The following OR5AS1 variants were observed in gnomAD, a reference collection of about 807,000 sequenced individuals.
The protein encoded by OR5AS1 is olfactory receptor family 5 subfamily AS member 1, also known as olfactory receptor 5AS1.
For missense variants in OR5AS1, 492 were observed against 378.2 expected (o/e 1.30, Z -2.50); for synonymous variants, 196 against 141.7 (o/e 1.38, Z -2.72).
rs754044107 is a variant in OR5AS1, at chr11:56,031,136, A to G, written c.718A>G (p.Thr240Ala). ...SSGGRSKTFS[T>A]CASHLIAVTL... ...AGGTGGCAGAAGCAAAACATTCTCC[A>G]CTTGTGCTTCCCACCTCATAGCAGT... Residue 240 changes from threonine to alanine, a missense_variant, in exon 2 of 2, where the codon ACT (threonine) becomes GCT (alanine). Transcript: ENST00000641320. 1.9e-6 allele frequency: 3 copies of G among 1,613,806 alleles called. No homozygotes were observed. Among genetic ancestry groups the G allele is most frequent in the Admixed American group, 3.3e-5 (2 of 59,984 alleles).
In OR5AS1 at chr11:56,036,894, G is replaced by A. The variant is rs941729550; in HGVS notation, c.*5501G>A. ...AAAAAATACTGGCAAACTGAATTCA[G>A]CGGCACATCAAAAAGCTTATCCACC... On this transcript the variant is annotated 3_prime_UTR_variant, in exon 2 of 2. Transcript: ENST00000641320. The A allele has an allele frequency of 6.6e-6, 1 of 152,070 alleles. No individual in the cohort carries two copies. The highest frequency in any genetic ancestry group is 1.5e-5 in the Non-Finnish European group (1 of 68,034). 9.4% of individuals were successfully genotyped at this position (152,070 alleles called of 1,614,324 possible). A position where few individuals can be genotyped will look rare whatever the true frequency, so the allele number is the denominator to read the frequency against.
intron 1 of OR5AS1, among the ~76,000 whole-genome samples, chr11:56,029,707 T>C (rs894342397): frequency 3.9e-5 from 6 of 152,098 alleles, no homozygotes; most frequent in Non-Finnish European, 8.8e-5. Flanking sequence ...AAATTTTATT[T>C]AATCAGCGCT....
In OR5AS1 at chr11:56,030,778, T is replaced by A. The variant is rs371595512; in HGVS notation, c.360T>A (p.Tyr120Ter). ...GCCTTATCCTGGCAGCAATGGCTTA[T>A]GACCGCTATGCAGCCATCTGCAACC... Reference protein sequence around the residue: ...AECLILAAMAYDRYAAICNPL... With the variant: ...AECLILAAMA The change falls in exon 2 of 2, where the codon TAT (tyrosine) becomes TAA (stop). Residue 120 changes from tyrosine (Y) to a stop codon, truncating the protein, a stop_gained. Transcript: ENST00000641320. LOFTEE classifies it low-confidence loss of function (END_TRUNC). 126 of 1,613,916 alleles carry A rather than the reference T, an allele frequency of 7.8e-5. No homozygotes were observed. The highest frequency in any genetic ancestry group is 1.1e-4 in the Non-Finnish European group (125 of 1,179,958).
Position 56,030,551 on chromosome 11 carries a change from T to C in OR5AS1, c.133T>C (p.Leu45=). ...ATTAACTATGGTCGGAAATATACTCTTAATAATTCTAGTTAATATTAATTC... is the reference window on the plus strand; with the variant it reads ...ATTAACTATGGTCGGAAATATACTCCTAATAATTCTAGTTAATATTAATTC... The part of the protein sequence containing the change: ...YTLTMVGNIL[L]IILVNINSSL... Residue 45 remains leucine (L), a synonymous_variant, in exon 2 of 2, where the codon TTA becomes CTA. Coordinates refer to ENST00000641320, the MANE Select transcript of OR5AS1 (RefSeq NM_001001921.2). The C allele has an allele frequency of 6.4e-7, 1 of 1,556,578 alleles. No individual in the cohort carries two copies. Among genetic ancestry groups the C allele is most frequent in the Non-Finnish European group, 8.7e-7 (1 of 1,148,908 alleles).
In OR5AS1 at chr11:56,034,506, A is replaced by G. The variant is rs1853384323; in HGVS notation, c.*3113A>G. 6.6e-6 allele frequency: 1 copy of G among 152,116 alleles called. No homozygotes were observed. The highest frequency in any genetic ancestry group is 2.4e-5 in the African/African-American group (1 of 41,378). The allele number at this position is 152,116 out of a possible 1,614,324, so 9.4% of individuals were successfully genotyped here. A position where few individuals can be genotyped will look rare whatever the true frequency, so the allele number is the denominator to read the frequency against. ...CCAAATCGATCAAACAGAAGGAAGGATATCAGAGATTGAAGATCAACTTAA... is the reference window on the plus strand; with the variant it reads ...CCAAATCGATCAAACAGAAGGAAGGGTATCAGAGATTGAAGATCAACTTAA... On this transcript the variant is annotated 3_prime_UTR_variant, in exon 2 of 2. Coordinates refer to ENST00000641320, the MANE Select transcript of OR5AS1 (RefSeq NM_001001921.2).
chr11:56,028,514 T>TA (rs1279969750), intron 1 of OR5AS1, among the ~76,000 whole-genome samples: 1 of 152,118 alleles, frequency 6.6e-6, no homozygotes, highest in East Asian at 1.9e-4. Context: ...AAATAAAGTT[T>TA]ATTAATAGAC....
chr11:56,028,657 C>G (rs1435090127), intron 1 of OR5AS1, among the ~76,000 whole-genome samples: 1 of 152,040 alleles, frequency 6.6e-6, no homozygotes, highest in East Asian at 1.9e-4. Context: ...GGAAAGTTGT[C>G]TTGAGATGCT....
rs185686332 is a variant in OR5AS1, at chr11:56,037,854, A to T, written c.*6461A>T. 1.5e-3 allele frequency: 233 copies of T among 152,244 alleles called. 1 individual carries two copies. The highest frequency in any genetic ancestry group is 5.2e-3 in the African/African-American group (214 of 41,492). The allele number at this position is 152,244 out of a possible 1,614,324, so 9.4% of individuals were successfully genotyped here. A position where few individuals can be genotyped will look rare whatever the true frequency, so the allele number is the denominator to read the frequency against. On this transcript the variant is annotated 3_prime_UTR_variant, in exon 2 of 2. Transcript: ENST00000641320. Reference sequence around the variant, plus strand: ...AGAACAAAGCTGGAGGCATCATGCTACCTGGCTTCAAACTATACTACAAGG... The same window carrying T: ...AGAACAAAGCTGGAGGCATCATGCTTCCTGGCTTCAAACTATACTACAAGG...
intron 1 of OR5AS1, among the ~76,000 whole-genome samples, chr11:56,030,080 A>G (rs1853331542): frequency 6.6e-6 from 1 of 152,128 alleles, no homozygotes; most frequent in Non-Finnish European, 1.5e-5. Context: ...TTATTCTACT[A>G]GGTCTCATTA....
rs1853399900 is a variant in OR5AS1, at chr11:56,035,926, A to G, written c.*4533A>G. 1 of 152,166 alleles carries G rather than the reference A, an allele frequency of 6.6e-6. No homozygotes were observed. Among genetic ancestry groups the G allele is most frequent in the South Asian group, 2.1e-4 (1 of 4,830 alleles). The allele number at this position is 152,166 out of a possible 1,614,324, so 9.4% of individuals were successfully genotyped here. ...GCAAATGCAAAACAATGGAAATCAT[A>G]ACAGTCTCTCAGACCACAGTGCAAT... On this transcript the variant is annotated 3_prime_UTR_variant, in exon 2 of 2. Transcript: ENST00000641320.
chr11:56,030,100 C>T (rs1484693741), intron 1 of OR5AS1, among the ~76,000 whole-genome samples: 1 of 152,082 alleles, frequency 6.6e-6, no homozygotes, highest in East Asian at 1.9e-4. Flanking sequence ...ACATGAGCTA[C>T]ATTTATCCCT....
chr11:56,034,272 G>A lies in OR5AS1; in HGVS notation c.*2879G>A, dbSNP rs1853381820. ...GTTTGATGAATTGATGGAAGTAATT[G>A]GGTAATAACAAATAGAAGAATTGGG... is the stretch of plus-strand genomic sequence containing the variant. On this transcript the variant is annotated 3_prime_UTR_variant, in exon 2 of 2. Coordinates refer to ENST00000641320, the MANE Select transcript of OR5AS1 (RefSeq NM_001001921.2). 1.3e-5 allele frequency: 2 copies of A among 151,824 alleles called. No homozygotes were observed. The highest frequency in any genetic ancestry group is 4.8e-5 in the African/African-American group (2 of 41,322). The allele number at this position is 151,824 out of a possible 1,614,324, so 9.4% of individuals were successfully genotyped here.
chr11:56,031,009 T>C lies in OR5AS1; in HGVS notation c.591T>C (p.Leu197=). 6.2e-7 allele frequency: 1 copy of C among 1,614,176 alleles called. No homozygotes were observed. Among genetic ancestry groups the C allele is most frequent in the Non-Finnish European group, 8.5e-7 (1 of 1,180,024 alleles). Residue 197 remains leucine, a synonymous_variant, in exon 2 of 2, where the codon CTT becomes CTC. Coordinates refer to ENST00000641320, the MANE Select transcript of OR5AS1 (RefSeq NM_001001921.2). ...LSCTDTQINQ[L]LLFALCSFIQ... is the part of the protein sequence containing the mutation. ...GTACAGACACTCAGATCAACCAGCT[T>C]CTGCTCTTTGCTTTGTGCAGCTTCA... is the stretch of plus-strand genomic sequence containing the variant.
Position 56,030,633 on chromosome 11 carries a change from G to A in OR5AS1, c.215G>A (p.Ser72Asn). ...AGCAACTTATCTTTCTTAGACATCA[G>A]CTGTTCTACAGCAATCACTCCTAAA... ...FLSNLSFLDI[S>N]CSTAITPKML... Residue 72 changes from serine (S) to asparagine (N), a missense_variant, in exon 2 of 2, where the codon AGC (serine) becomes AAC (asparagine). Ser to Asn is a conservative substitution (Grantham distance 46, BLOSUM62 1). Transcript: ENST00000641320. The A allele has an allele frequency of 6.4e-7, 1 of 1,559,904 alleles. No homozygotes were observed. The highest frequency in any genetic ancestry group is 8.7e-7 in the Non-Finnish European group (1 of 1,154,528).
rs1392229249 is a variant in OR5AS1 at position 56,037,158 on chromosome 11, A to C, written c.*5765A>C. The C allele has an allele frequency of 1.3e-5, 2 of 152,178 alleles. No homozygotes were observed. The highest frequency in any genetic ancestry group is 2.4e-5 in the African/African-American group (1 of 41,402). 9.4% of individuals were successfully genotyped at this position (152,178 alleles called of 1,614,324 possible). On this transcript the variant is annotated 3_prime_UTR_variant, in exon 2 of 2. Coordinates refer to ENST00000641320, the MANE Select transcript of OR5AS1 (RefSeq NM_001001921.2). ...ATGACAAACCCACAGCCAATATCAT[A>C]CTGAATGGGCAAAAACTGGACGCAT...
rs1853340692 is a variant in OR5AS1, at chr11:56,030,816, C to T, written c.398C>T (p.Thr133Ile). ...YAAICNPLLYTTLMSRRVCVC... is the reference protein window; with the variant it reads ...YAAICNPLLYITLMSRRVCVC... Reference sequence around the variant, plus strand: ...GCCATCTGCAACCCACTGCTCTATACTACACTGATGTCTAGGAGAGTCTGT... The same window carrying T: ...GCCATCTGCAACCCACTGCTCTATATTACACTGATGTCTAGGAGAGTCTGT... The change falls in exon 2 of 2, where the codon ACT becomes ATT. Residue 133 changes from threonine (T) to isoleucine (I), a missense_variant. Coordinates refer to ENST00000641320, the MANE Select transcript of OR5AS1 (RefSeq NM_001001921.2). 1.9e-6 allele frequency: 3 copies of T among 1,613,972 alleles called. No individual in the cohort carries two copies. Among genetic ancestry groups the T allele is most frequent in the South Asian group, 1.1e-5 (1 of 91,084 alleles).
At position 56,037,996 on chromosome 11, in the gene OR5AS1, C is replaced by A. The variant is rs1045277879; in HGVS notation, c.*6603C>A. On this transcript the variant is annotated 3_prime_UTR_variant, in exon 2 of 2. Coordinates refer to ENST00000641320, the MANE Select transcript of OR5AS1 (RefSeq NM_001001921.2). Reference sequence around the variant, plus strand: ...CTACAACCATCTGATCTTTGACAAACCTGACAAAAACAAGCAATGAGGAAA... The same window carrying A: ...CTACAACCATCTGATCTTTGACAAAACTGACAAAAACAAGCAATGAGGAAA... 1.3e-5 allele frequency: 2 copies of A among 152,084 alleles called. No individual in the cohort carries two copies. Among genetic ancestry groups the A allele is most frequent in the African/African-American group, 4.8e-5 (2 of 41,370 alleles). 9.4% of individuals were successfully genotyped at this position (152,084 alleles called of 1,614,324 possible).
rs1211904462 is a variant in OR5AS1 at position 56,030,686 on chromosome 11, A to G, written c.268A>G (p.Lys90Glu). The change falls in exon 2 of 2, where the codon AAA becomes GAA. Residue 90 changes from lysine (K) to glutamate (E), a missense_variant. Transcript: ENST00000641320. The stretch of plus-strand genomic sequence containing the variant: ...GCTGGCAAACTTCTTGGCATCCAGG[A>G]AAAGCATCTCTCCTTATGGGTGTGC... ...KMLANFLASR[K>E]SISPYGCALQ... 5 of 1,594,434 alleles carry G rather than the reference A, an allele frequency of 3.1e-6. No individual in the cohort carries two copies. The highest frequency in any genetic ancestry group is 4.3e-6 in the Non-Finnish European group (5 of 1,168,372).
At chr11:56,029,646 CA>C (rs137925778) in intron 1 of OR5AS1, among the ~76,000 whole-genome samples, 9,145 of 150,962 alleles carry the variant, frequency 0.061, 382 homozygotes, top group Non-Finnish European at 0.085. Context: ...GGTGTTCAGA[CA>C]AAAAAAACCC....
Sources: allele counts gnomAD v4.1 joint callset (sites outside exome capture counted in the v4.1 genomes callset), GRCh38; gene constraint gnomAD v4.1.1; transcripts MANE v1.5; gene names NCBI Gene and HGNC (gene_info 2026-07-23, HGNC 2026-07-21).